PLEKHG7: variants seen among roughly 807,000 people sequenced by gnomAD.
The protein encoded by PLEKHG7 is pleckstrin homology and RhoGEF domain containing G7.
A neutral mutation model predicts 85.2 loss-of-function variants in PLEKHG7; 77 were observed. The ratio of observed to expected loss-of-function variants is 0.90; its 90% CI spans 0.75 to 1.09. The LOEUF (loss-of-function observed/expected upper bound fraction) is 1.09. Ranked by LOEUF, PLEKHG7 falls within the 50% of genes least tolerant of loss-of-function variation. The pLI, the probability that PLEKHG7 is intolerant of heterozygous loss-of-function variation, is 0.00. For synonymous variants in PLEKHG7, 301 were observed against 302.4 expected (o/e 1.00, Z 0.05); for missense variants, 777 against 804.3 (o/e 0.97, Z 0.41).
At chr12:92,718,041 T>C (rs914864360) in intron 3 of PLEKHG7, among the ~76,000 whole-genome samples, 2 of 152,230 alleles carry the variant, frequency 1.3e-5, no homozygotes, top group African/African-American at 4.8e-5. Flanking sequence ...GCACATCAAA[T>C]GTAATGTATC....
In PLEKHG7 at chr12:92,761,650, GAAAGA is replaced by G. The variant is rs776071728; in HGVS notation, c.1637-99_1637-95del. The G allele has an allele frequency of 9.2e-3, 10,762 of 1,168,172 alleles. 239 individuals carry two copies. Among genetic ancestry groups the G allele is most frequent in the Admixed American group, 0.017 (411 of 24,134 alleles). The allele number at this position is 1,168,172 out of a possible 1,614,324, so 72.4% of individuals were successfully genotyped here. A position where few individuals can be genotyped will look rare whatever the true frequency, so the allele number is the denominator to read the frequency against. On this transcript the variant is annotated intron_variant, in intron 13 of 16. Transcript: ENST00000344636. Reference sequence around the variant, plus strand: ...AGAAAGAAAGAAAGAAAGAAAGAAAGAAAGAAAGAAAGAAAGAAAGAAAGAAAGAA... The same window carrying G: ...AGAAAGAAAGAAAGAAAGAAAGAAAGAAGAAAGAAAGAAAGAAAGAAAGAA...
rs748603356 is a variant in PLEKHG7 at position 92,754,117 on chromosome 12, C to T, written c.1279C>T (p.Arg427Trp). ...KWCEQNEQCR[R>W]LHVPELLVAP... Reference sequence around the variant, plus strand: ...GTGTGAGCAGAATGAACAATGCAGACGGCTCCACGTGCCAGAGCTGCTAGT... The same window carrying T: ...GTGTGAGCAGAATGAACAATGCAGATGGCTCCACGTGCCAGAGCTGCTAGT... Residue 427 changes from arginine (R) to tryptophan (W), a missense_variant, in exon 11 of 17, where the codon CGG becomes TGG. Physicochemically the swap from Arg to Trp is moderately radical, Grantham distance 101. This residue lies in a region of PLEKHG7 where 520 missense variants were observed against 544.0 expected (regional missense o/e 0.96). Transcript: ENST00000344636. 5.5e-5 allele frequency: 88 copies of T among 1,613,770 alleles called. No homozygotes were observed. Among genetic ancestry groups the T allele is most frequent in the Non-Finnish European group, 7.1e-5 (84 of 1,179,876 alleles).
chr12:92,761,655 A>AAAGG, intron 13 of PLEKHG7, 97 bp from the exon 14 acceptor site: 1 of 1,214,932 alleles, frequency 8.2e-7, no homozygotes, highest in Non-Finnish European at 1.1e-6. Context: ...AGAAAGAAAG[A>AAAGG]AAGAAAGAAA....
At chr12:92,703,946 C>T (rs964465697) in intron 1 of PLEKHG7, among the ~76,000 whole-genome samples, 1 of 152,196 alleles carries the variant, frequency 6.6e-6, no homozygotes, top group Admixed American at 6.5e-5. Context: ...AGAGGGGAAA[C>T]CCAAAGACTA....
chr12:92,747,160 G>T (rs1441219284), intron 10 of PLEKHG7, among the ~76,000 whole-genome samples: 1 of 151,096 alleles, frequency 6.6e-6, no homozygotes, highest in Non-Finnish European at 1.5e-5. Context: ...AATATACAAG[G>T]AACTTGAAGA....
chr12:92,729,806 G>A (rs1871931866), intron 4 of PLEKHG7, among the ~76,000 whole-genome samples: 1 of 152,156 alleles, frequency 6.6e-6, no homozygotes, highest in African/African-American at 2.4e-5. Flanking sequence ...GAAATCCAAT[G>A]TATAAAACAA....
rs1219250451 is a variant in PLEKHG7, at chr12:92,706,920, C to T, written c.289C>T (p.His97Tyr). Residue 97 changes from histidine (H) to tyrosine (Y), a missense_variant, in exon 2 of 17, where the codon CAC (histidine) becomes TAC (tyrosine). His to Tyr is a moderately conservative substitution (Grantham distance 83). This residue lies in a region of PLEKHG7 where 252 missense variants were observed against 241.9 expected (regional missense o/e 1.04). Coordinates refer to ENST00000344636, the MANE Select transcript of PLEKHG7 (RefSeq NM_001377329.1). Reference protein sequence around the residue: ...SLPGSPKDSSHLLSPLRLHSR... With the variant: ...SLPGSPKDSSYLLSPLRLHSR... ...GCCAGGAAGCCCAAAGGATTCTTCA[C>T]ACTTGCTGTCACCCTTGAGACTCCA... is the stretch of plus-strand genomic sequence containing the variant. The T allele has an allele frequency of 1.2e-6, 2 of 1,614,150 alleles. No individual in the cohort carries two copies. Among genetic ancestry groups the T allele is most frequent in the South Asian group, 1.1e-5 (1 of 91,080 alleles).
chr12:92,736,439 G>A, intron 5 of PLEKHG7, 43 bp from the exon 6 acceptor site: 1 of 1,129,888 alleles, frequency 8.9e-7, no homozygotes, highest in Non-Finnish European at 1.1e-6. Flanking sequence ...TGTCATTAAA[G>A]AATCAATGTT....
At chr12:92,741,762 C>T (rs1364305274) in intron 9 of PLEKHG7, among the ~76,000 whole-genome samples, 170 bp downstream of exon 9, 1 of 152,220 alleles carries the variant, frequency 6.6e-6, no homozygotes, top group Non-Finnish European at 1.5e-5. Context: ...AAATAACTTG[C>T]AGATTCTGTT....
intron 12 of PLEKHG7, among the ~76,000 whole-genome samples, 157 bp from the exon 13 acceptor site, chr12:92,756,141 T>A (rs887565796): frequency 6.6e-6 from 1 of 152,210 alleles, no homozygotes; most frequent in African/African-American, 2.4e-5. Context: ...ATGGTCCTTC[T>A]GAGAGGGTTT....
intron 3 of PLEKHG7, among the ~76,000 whole-genome samples, chr12:92,717,919 G>C (rs1871533000): frequency 1.3e-5 from 2 of 152,150 alleles, no homozygotes; most frequent in South Asian, 4.1e-4. Flanking sequence ...AACTCAAATA[G>C]TAGCTATGGT....
rs140251784 is a variant in PLEKHG7 at position 92,743,839 on chromosome 12, C to T, written c.1138-1639C>T. ...TCTCCCAAAGTGCTGGGATTACAGG[C>T]GCAAGTCACCGTGCCCAGCCCCATT... is the stretch of plus-strand genomic sequence containing the variant. On this transcript the variant is annotated intron_variant, in intron 9 of 16. Coordinates refer to ENST00000344636, the MANE Select transcript of PLEKHG7 (RefSeq NM_001377329.1). 6.8e-3 allele frequency among the ~76,000 whole-genome samples: 1,037 copies of T among 152,240 alleles called. 2 individuals are homozygous for T. The highest frequency in any genetic ancestry group is 0.011 in the Non-Finnish European group (725 of 68,016).
At chr12:92,725,014 G>A (rs1398007390) in intron 3 of PLEKHG7, among the ~76,000 whole-genome samples, 4 of 152,154 alleles carry the variant, frequency 2.6e-5, no homozygotes, top group African/African-American at 7.2e-5. Context: ...GAAAAGGCAG[G>A]TGAAACAGAT....
Position 92,706,662 on chromosome 12 carries a change from G to C in PLEKHG7, c.31G>C (p.Val11Leu). The change falls in exon 2 of 17, where the codon GTG becomes CTG. Residue 11 changes from valine to leucine, a missense_variant. This residue lies in a region of PLEKHG7 where 252 missense variants were observed against 241.9 expected (regional missense o/e 1.04). Coordinates refer to ENST00000344636, the MANE Select transcript of PLEKHG7 (RefSeq NM_001377329.1). MEKTESFCPE[V>L]PPQDCGASPR... ...GAAAACAGAGTCATTCTGTCCAGAG[G>C]TGCCACCCCAAGACTGTGGAGCCTC... 1 of 1,613,850 alleles carries C rather than the reference G, an allele frequency of 6.2e-7. No homozygotes were observed. The highest frequency in any genetic ancestry group is 1.1e-5 in the South Asian group (1 of 91,034).
intron 5 of PLEKHG7, among the ~76,000 whole-genome samples, chr12:92,735,259 G>A (rs1872108908): frequency 6.6e-6 from 1 of 152,164 alleles, no homozygotes. Context: ...GCAGTAGGAG[G>A]TCTTTAACTG....
At chr12:92,728,703 A>G (rs1237241267) in intron 3 of PLEKHG7, among the ~76,000 whole-genome samples, 1 of 152,116 alleles carries the variant, frequency 6.6e-6, no homozygotes, top group East Asian at 1.9e-4. Context: ...GTGCTGCAAT[A>G]AACATGTGTA....
rs754206185 is a variant in PLEKHG7, at chr12:92,770,210, TG to T, written c.*17del. On this transcript the variant is annotated 3_prime_UTR_variant, in exon 17 of 17. Transcript: ENST00000344636. Reference sequence around the variant, plus strand: ...CTGAAATTTAGGGACCTAAAACAAGTGGCATGTCTTTTTAGAAGATTATGGT... The same window carrying T: ...CTGAAATTTAGGGACCTAAAACAAGTGCATGTCTTTTTAGAAGATTATGGT... 4.6e-6 allele frequency: 7 copies of T among 1,512,444 alleles called. No individual in the cohort carries two copies. The highest frequency in any genetic ancestry group is 6.4e-6 in the Non-Finnish European group (7 of 1,098,644). The allele number at this position is 1,512,444 out of a possible 1,614,324, so 93.7% of individuals were successfully genotyped here. A position where few individuals can be genotyped will look rare whatever the true frequency, so the allele number is the denominator to read the frequency against.
intron 3 of PLEKHG7, among the ~76,000 whole-genome samples, chr12:92,727,762 A>AT (rs935711808): frequency 1.3e-5 from 2 of 150,948 alleles, no homozygotes; most frequent in Non-Finnish European, 3.0e-5. Flanking sequence ...CTAATTTTGT[A>AT]TTTTTTTTAG....
Position 92,737,490 on chromosome 12 carries a change from AT to A in PLEKHG7, c.914del (p.Leu305TrpfsTer5), listed in dbSNP as rs1173112670. Reference sequence around the variant, plus strand: ...GAACTTTTCACAAGTGAATGCACCTATTTTTTGGACCATTTATTAGTTCTTA... The same window carrying A: ...GAACTTTTCACAAGTGAATGCACCTATTTTTGGACCATTTATTAGTTCTTA... Reference protein sequence around the residue: ...VWELFTSECTYFLDHLLVLKM... With the variant: ...VWELFTSECTXFLDHLLVLKM... On this transcript the variant is annotated frameshift_variant, in exon 7 of 17. Coordinates refer to ENST00000344636, the MANE Select transcript of PLEKHG7 (RefSeq NM_001377329.1). LOFTEE classifies it high-confidence loss of function. 4.4e-6 allele frequency: 7 copies of A among 1,604,462 alleles called. No homozygotes were observed. Among genetic ancestry groups the A allele is most frequent in the Non-Finnish European group, 5.9e-6 (7 of 1,177,858 alleles).
Sources: allele counts gnomAD v4.1 joint callset (sites outside exome capture counted in the v4.1 genomes callset), GRCh38; gene constraint gnomAD v4.1.1; regional missense constraint gnomAD v4.1.1; transcripts MANE v1.5; gene names NCBI Gene and HGNC (gene_info 2026-07-23, HGNC 2026-07-21).